The following TAFA5 variants were observed in gnomAD, a reference collection of about 807,000 sequenced individuals.
The protein encoded by TAFA5 is chemokine-like protein TAFA-5.
In TAFA5, 6 loss-of-function variants were observed where a neutral mutation model predicts 15.3. That is an observed-to-expected ratio of 0.39 (90% CI 0.21 to 0.77). TAFA5 has a LOEUF of 0.77. Ranked by LOEUF, TAFA5 falls within the 30% of genes least tolerant of loss-of-function variation. TAFA5 has a pLI of 0.41. For missense variants in TAFA5, 161 were observed against 193.1 expected, an observed-to-expected ratio of 0.83 and a Z score of 0.98; for synonymous variants, 103 against 80.7, an observed-to-expected ratio of 1.28 and a Z score of -1.48.
At chr22:48,592,431 A>T (rs1488618904) in intron 1 of TAFA5, among the ~76,000 whole-genome samples, 5 of 152,216 alleles carry the variant, frequency 3.3e-5, no homozygotes, top group Non-Finnish European at 5.9e-5. Context: ...AGTGGGAGCC[A>T]CTACAGGCAG....
chr22:48,708,569 C>T (rs1187339305), intron 3 of TAFA5, among the ~76,000 whole-genome samples: 3 of 152,228 alleles, frequency 2.0e-5, no homozygotes, highest in Admixed American at 1.3e-4. Context: ...CCCACGCCCA[C>T]GTGCATGGGG....
chr22:48,553,284 T>C (rs745497365), intron 1 of TAFA5, among the ~76,000 whole-genome samples: 2 of 152,182 alleles, frequency 1.3e-5, no homozygotes, highest in Non-Finnish European at 2.9e-5. Flanking sequence ...GCCCTGGCTC[T>C]GTGCGATGGA....
At chr22:48,743,341 T>C (rs1930236344) in intron 3 of TAFA5, among the ~76,000 whole-genome samples, 1 of 152,220 alleles carries the variant, frequency 6.6e-6, no homozygotes, top group Admixed American at 6.5e-5. Flanking sequence ...CCCGCCTCTG[T>C]CTCTGTCTGC....
intron 2 of TAFA5, among the ~76,000 whole-genome samples, chr22:48,653,891 A>G (rs959057419): frequency 1.2e-5 from 1 of 85,194 alleles, no homozygotes; most frequent in Non-Finnish European, 3.0e-5. Context: ...TGGGGTTGGT[A>G]GATAAGTTGC....
chr22:48,678,803 G>A (rs1905411207), intron 2 of TAFA5, among the ~76,000 whole-genome samples: 2 of 151,646 alleles, frequency 1.3e-5, no homozygotes, highest in South Asian at 4.2e-4. Context: ...GTATTTCAAA[G>A]ACCTCAGGGT....
At chr22:48,569,890 T>C (rs1014142565) in intron 1 of TAFA5, among the ~76,000 whole-genome samples, 14 of 152,188 alleles carry the variant, frequency 9.2e-5, no homozygotes, top group African/African-American at 3.1e-4. Flanking sequence ...CTCTAGTCCT[T>C]CTGGGGACTT....
intron 1 of TAFA5, among the ~76,000 whole-genome samples, chr22:48,580,999 G>C (rs889097143): frequency 6.6e-6 from 1 of 152,226 alleles, no homozygotes; most frequent in Admixed American, 6.5e-5. Context: ...TCCAGCAGAC[G>C]CTGTTTGCAA....
At chr22:48,536,868 A>T (rs1055815884) in intron 1 of TAFA5, among the ~76,000 whole-genome samples, 1 of 152,032 alleles carries the variant, frequency 6.6e-6, no homozygotes, top group African/African-American at 2.4e-5. Flanking sequence ...TGCCCCACAG[A>T]CCCGAGGCAG....
At chr22:48,676,820 TTTCTC>T (rs1301701612) in intron 2 of TAFA5, among the ~76,000 whole-genome samples, 1 of 152,228 alleles carries the variant, frequency 6.6e-6, no homozygotes, top group Non-Finnish European at 1.5e-5. Context: ...GGTCAACTGA[TTTCTC>T]TAAGTTTCTT....
chr22:48,666,004 A>G (rs912818123), intron 2 of TAFA5, among the ~76,000 whole-genome samples: 1 of 146,762 alleles, frequency 6.8e-6, no homozygotes, highest in African/African-American at 2.6e-5. Flanking sequence ...TCCCATGGGA[A>G]CGAGGGGCCT....
chr22:48,737,031 C>G (rs1930048769), intron 3 of TAFA5, among the ~76,000 whole-genome samples: 1 of 152,170 alleles, frequency 6.6e-6, no homozygotes, highest in South Asian at 2.1e-4. Flanking sequence ...GCAGAGAGGC[C>G]CTGACCCGTC....
intron 2 of TAFA5, among the ~76,000 whole-genome samples, chr22:48,701,703 C>T (rs917751707): frequency 2.6e-5 from 4 of 152,242 alleles, no homozygotes; most frequent in East Asian, 1.9e-4. Context: ...GCCCCGCCCA[C>T]ATCTCAGCCC....
At chr22:48,537,683 C>T (rs987887723) in intron 1 of TAFA5, among the ~76,000 whole-genome samples, 1 of 152,228 alleles carries the variant, frequency 6.6e-6, no homozygotes. Flanking sequence ...GCACTGCAGC[C>T]AGGGTCCTGC....
chr22:48,690,713 G>A (rs1928513283), intron 2 of TAFA5, among the ~76,000 whole-genome samples: 1 of 152,204 alleles, frequency 6.6e-6, no homozygotes, highest in South Asian at 2.1e-4. Flanking sequence ...CAGAGCTCTT[G>A]GGGACAGGCC....
At chr22:48,516,708 C>T (rs1342134762) in intron 1 of TAFA5, among the ~76,000 whole-genome samples, 1 of 152,192 alleles carries the variant, frequency 6.6e-6, no homozygotes, top group Non-Finnish European at 1.5e-5. Context: ...ATGAAATCCC[C>T]CAAATTTAGA....
Position 48,534,627 on chromosome 22 carries a change from G to A in TAFA5, c.112+44923G>A, listed in dbSNP as rs570017583. Reference sequence around the variant, plus strand: ...CAGCTCCTCCTCCAGCTTCACTTCCGGGAATATCTCCTCTAGGTGCTTGCT... The same window carrying A: ...CAGCTCCTCCTCCAGCTTCACTTCCAGGAATATCTCCTCTAGGTGCTTGCT... On this transcript the variant is annotated intron_variant, in intron 1 of 3. Transcript: ENST00000402357. Among the ~76,000 whole-genome samples the A allele has an allele frequency of 7.2e-5, 11 of 152,286 alleles. No individual in the cohort carries two copies. The East Asian group carries it at 9.7e-4, about 13-fold the overall frequency.
chr22:48,749,059 C>T (rs130237), intron 3 of TAFA5, among the ~76,000 whole-genome samples: 106,844 of 151,704 alleles, frequency 0.7, 39,002 homozygotes, highest in African/African-American at 0.84. Flanking sequence ...AGAATACTCC[C>T]GGGGCCAGAT....
intron 1 of TAFA5, among the ~76,000 whole-genome samples, chr22:48,513,645 C>A (rs1372136092): frequency 1.3e-5 from 2 of 152,216 alleles, no homozygotes; most frequent in African/African-American, 4.8e-5. Flanking sequence ...CTGTGCGGCC[C>A]CAGAGCCCGC....
intron 2 of TAFA5, among the ~76,000 whole-genome samples, chr22:48,661,192 C>G (rs549274528): frequency 6.6e-6 from 1 of 152,180 alleles, no homozygotes; most frequent in African/African-American, 2.4e-5. Flanking sequence ...TACTGCTGGC[C>G]CTACGGTCAG....
Sources: allele counts gnomAD v4.1 joint callset (sites outside exome capture counted in the v4.1 genomes callset), GRCh38; gene constraint gnomAD v4.1.1; transcripts MANE v1.5; gene names NCBI Gene and HGNC (gene_info 2026-07-23, HGNC 2026-07-21).